Variants in COL14A1 observed in about 807,000 individuals in gnomAD.
COL14A1 encodes the protein collagen type XIV alpha 1 chain.
COL14A1 carries 136 observed loss-of-function variants against 230.3 expected under a neutral mutation model. That is an observed-to-expected ratio of 0.59 (90% CI 0.51 to 0.68). The LOEUF is 0.68. Ranked by LOEUF, COL14A1 falls within the 30% of genes least tolerant of loss-of-function variation. COL14A1 has a pLI of 0.00. For missense variants in COL14A1, 1,976 were observed against 2,215.8 expected (o/e 0.89, Z 2.17); for synonymous variants, 792 against 784.1 (o/e 1.01, Z -0.17).
chr8:120,185,992 C>T (rs1302183634), intron 5 of COL14A1, among the ~76,000 whole-genome samples: 2 of 152,052 alleles, frequency 1.3e-5, no homozygotes, highest in Admixed American at 6.5e-5. Flanking sequence ...TGTCTGGTCT[C>T]GAACTCCTGA....
At chr8:120,176,985 G>GT (rs1276613999) in intron 5 of COL14A1, among the ~76,000 whole-genome samples, 3 of 152,112 alleles carry the variant, frequency 2.0e-5, no homozygotes, top group African/African-American at 4.8e-5. Flanking sequence ...CATGCAGGGA[G>GT]GCCCTGAGGA....
chr8:120,272,880 G>T (rs560637517), intron 26 of COL14A1, among the ~76,000 whole-genome samples: 346 of 151,812 alleles, frequency 2.3e-3, no homozygotes, highest in Non-Finnish European at 4.4e-3. Context: ...GCACTAGACA[G>T]ATAATCAAGA....
chr8:120,254,805 C>T (rs1404379743), intron 22 of COL14A1, among the ~76,000 whole-genome samples: 3 of 120,774 alleles, frequency 2.5e-5, no homozygotes, highest in Non-Finnish European at 4.9e-5. Flanking sequence ...AGCAACATGG[C>T]GAAACACTGC....
chr8:120,148,685 A>G (rs1008388517), intron 2 of COL14A1, among the ~76,000 whole-genome samples: 1 of 152,286 alleles, frequency 6.6e-6, no homozygotes, highest in Admixed American at 6.5e-5. Flanking sequence ...CCCTTTTCTT[A>G]AAAACTGAGC....
At chr8:120,294,786 C>T (rs57514813) in intron 34 of COL14A1, among the ~76,000 whole-genome samples, 104,934 of 151,532 alleles carry the variant, frequency 0.69, 38,014 homozygotes, top group African/African-American at 0.92. Context: ...ATGAATAAAT[C>T]TGTTGTACTC....
chr8:120,208,236 T>C lies in COL14A1; in HGVS notation c.1196T>C (p.Val399Ala), dbSNP rs1456674012. The C allele has an allele frequency of 1.2e-6, 2 of 1,609,598 alleles. No individual in the cohort carries two copies. Reference sequence around the variant, plus strand: ...CTCAAACTGTTCTTTAAACAGGTGGTGGTAGATGGAACTGTATCTTCCACA... The same window carrying C: ...CTCAAACTGTTCTTTAAACAGGTGGCGGTAGATGGAACTGTATCTTCCACA... ...PTRGGKPDEV[V>A]VDGTVSSTVL... The change falls in exon 11 of 48, where the codon GTG becomes GCG. Residue 399 changes from valine to alanine, a missense_variant. Around this residue, in one of 3 missense-constraint regions of COL14A1, gnomAD observed 1,791 missense variants for 2,019.5 expected, o/e 0.89. Coordinates refer to ENST00000297848, the MANE Select transcript of COL14A1 (RefSeq NM_021110.4).
intron 13 of COL14A1, chr8:120,214,004 A>G (rs754480547): frequency 5.4e-6 from 2 of 371,622 alleles, no homozygotes; most frequent in East Asian, 8.9e-5. Context: ...TATGTATTGA[A>G]TTAATGAAAG....
chr8:120,230,002 C>G (rs996705463), intron 18 of COL14A1, among the ~76,000 whole-genome samples: 1 of 152,086 alleles, frequency 6.6e-6, no homozygotes, highest in African/African-American at 2.4e-5. Context: ...AGCCTCAGCC[C>G]CCCACGTAGC....
intron 19 of COL14A1, among the ~76,000 whole-genome samples, chr8:120,241,265 G>C (rs1818599368): frequency 6.6e-6 from 1 of 152,148 alleles, no homozygotes. Flanking sequence ...GTCTGCAATG[G>C]ATGGGAATTA....
rs1220063432 is a variant in COL14A1, at chr8:120,371,255, C to A, written c.*24C>A. On this transcript the variant is annotated 3_prime_UTR_variant, in exon 48 of 48. Coordinates refer to ENST00000297848, the MANE Select transcript of COL14A1 (RefSeq NM_021110.4). The stretch of plus-strand genomic sequence containing the variant: ...GATAGCCTCAGGAGAAATTTGAAGA[C>A]CAACTGCAAGAACTCTTAAGGAATC... 2 of 1,568,676 alleles carry A rather than the reference C, an allele frequency of 1.3e-6. No homozygotes were observed. The highest frequency in any genetic ancestry group is 1.7e-5 in the Admixed American group (1 of 57,222).
At chr8:120,145,015 T>C (rs1034861279) in intron 1 of COL14A1, among the ~76,000 whole-genome samples, 1 of 152,158 alleles carries the variant, frequency 6.6e-6, no homozygotes, top group Non-Finnish European at 1.5e-5. Flanking sequence ...ATACTAAGTA[T>C]ATATGAGTTA....
chr8:120,197,785 G>A, intron 6 of COL14A1, 26 bp from the exon 7 acceptor site: 1 of 1,588,172 alleles, frequency 6.3e-7, no homozygotes, highest in East Asian at 2.2e-5. Context: ...ATTATTCCTG[G>A]TGCGTTTCCT....
chr8:120,288,112 C>T (rs1460016650), intron 33 of COL14A1, among the ~76,000 whole-genome samples: 1 of 151,754 alleles, frequency 6.6e-6, no homozygotes, highest in Non-Finnish European at 1.5e-5. Context: ...TTTTCTAGCA[C>T]CCAGTATGAA....
intron 20 of COL14A1, among the ~76,000 whole-genome samples, chr8:120,244,408 G>A (rs1043173194): frequency 2.0e-5 from 3 of 151,858 alleles, no homozygotes; most frequent in Admixed American, 6.6e-5. Context: ...ATTTCCATAG[G>A]TTTTGGGGAA....
chr8:120,135,364 A>G (rs796597614), intron 1 of COL14A1, among the ~76,000 whole-genome samples: 4 of 152,242 alleles, frequency 2.6e-5, no homozygotes, highest in African/African-American at 9.6e-5. Flanking sequence ...TCCAGGTTCA[A>G]CTAATTCTCC....
chr8:120,140,459 T>G (rs557577958), intron 1 of COL14A1, among the ~76,000 whole-genome samples: 1 of 152,308 alleles, frequency 6.6e-6, no homozygotes, highest in Admixed American at 6.5e-5. Flanking sequence ...AAATGATTGT[T>G]GAAATGAACA....
At chr8:120,334,148 A>G (rs919224899) in intron 42 of COL14A1, among the ~76,000 whole-genome samples, 15 of 152,180 alleles carry the variant, frequency 9.9e-5, no homozygotes, top group East Asian at 1.9e-4. Flanking sequence ...AGCAACCCAG[A>G]TAGTCTTGTT....
intron 25 of COL14A1, among the ~76,000 whole-genome samples, chr8:120,267,604 T>G (rs1819536053): frequency 1.3e-5 from 2 of 151,870 alleles, no homozygotes; most frequent in African/African-American, 4.8e-5. Context: ...TTGATCTACA[T>G]TTTGAAGAAT....
intron 45 of COL14A1, among the ~76,000 whole-genome samples, chr8:120,358,189 G>A (rs551037991): frequency 3.8e-4 from 58 of 152,230 alleles, no homozygotes; most frequent in Non-Finnish European, 5.7e-4. Flanking sequence ...AGTTTGAACA[G>A]ATATTTGATA....
Sources: allele counts gnomAD v4.1 joint callset (sites outside exome capture counted in the v4.1 genomes callset), GRCh38; gene constraint gnomAD v4.1.1; regional missense constraint gnomAD v4.1.1; transcripts MANE v1.5; gene names NCBI Gene and HGNC (gene_info 2026-07-23, HGNC 2026-07-21).